The following GIT2 variants were observed in gnomAD, a reference collection of about 807,000 sequenced individuals.
GIT2 encodes the protein ARF GTPase-activating protein GIT2.
A neutral mutation model predicts 100.3 loss-of-function variants in GIT2; 32 were observed. That is an observed-to-expected ratio of 0.32 (90% CI 0.24 to 0.43). The LOEUF (loss-of-function observed/expected upper bound fraction) is 0.43. GIT2 is among the 20% of genes least tolerant of loss of function. The probability of loss-of-function intolerance (pLI) is 1.00; values close to 1 mark genes in which losing one functional copy is unlikely to be tolerated. For synonymous variants in GIT2, 353 were observed against 364.1 expected (o/e 0.97, Z 0.35); for missense variants, 737 against 975.1 (o/e 0.76, Z 3.25).
At chr12:109,972,391 T>C (rs1244043799) in intron 7 of GIT2, among the ~76,000 whole-genome samples, 1 of 152,230 alleles carries the variant, frequency 6.6e-6, no homozygotes, top group Non-Finnish European at 1.5e-5. Context: ...TTGAAGTTTG[T>C]TGAATGCTTC....
At chr12:109,936,589 C>T (rs1873059811) in intron 18 of GIT2, among the ~76,000 whole-genome samples, 1 of 152,126 alleles carries the variant, frequency 6.6e-6, no homozygotes, top group Admixed American at 6.6e-5. Flanking sequence ...AAACTTTGGC[C>T]AAGCACGGTG....
chr12:109,972,010 A>AATAT (rs1555231483), intron 7 of GIT2, among the ~76,000 whole-genome samples: 9 of 141,756 alleles, frequency 6.3e-5, no homozygotes, highest in Middle Eastern at 3.4e-3. Flanking sequence ...GGGAAAAAAA[A>AATAT]ATATATATAT....
chr12:109,958,182 G>T (rs2136352547), intron 12 of GIT2, among the ~76,000 whole-genome samples: 1 of 151,948 alleles, frequency 6.6e-6, no homozygotes, highest in East Asian at 1.9e-4. Flanking sequence ...CTGACCTCGT[G>T]ATCTGCCCAC....
chr12:109,978,298 G>T (rs1228916894), intron 7 of GIT2, among the ~76,000 whole-genome samples: 1 of 151,880 alleles, frequency 6.6e-6, no homozygotes, highest in African/African-American at 2.4e-5. Context: ...GGCCAGGCTG[G>T]TCTCAAACTC....
Position 109,959,977 on chromosome 12 carries a change from T to C in GIT2, c.988-19A>G, listed in dbSNP as rs1252030467. On this transcript the variant is annotated intron_variant, in intron 11 of 19. Coordinates refer to ENST00000355312, the MANE Select transcript of GIT2 (RefSeq NM_057169.5). ...GTCTGCCCTAAAGGTGGGAAAATAA[T>C]TGGAAATATTTCCCAGTGTAAAAAT... 1 of 1,498,222 alleles carries C rather than the reference T, an allele frequency of 6.7e-7. No individual in the cohort carries two copies. The highest frequency in any genetic ancestry group is 1.7e-5 in the Admixed American group (1 of 59,506). The allele number at this position is 1,498,222 out of a possible 1,614,324, so 92.8% of individuals were successfully genotyped here.
intron 4 of GIT2, among the ~76,000 whole-genome samples, chr12:109,984,136 G>T (rs945315814): frequency 6.6e-6 from 1 of 152,160 alleles, no homozygotes; most frequent in African/African-American, 2.4e-5. Flanking sequence ...ATGGCCAGAT[G>T]CAGTGGCTCA....
chr12:109,932,759 C>G lies in GIT2; in HGVS notation c.*219G>C, dbSNP rs1871865175. On this transcript the variant is annotated 3_prime_UTR_variant, in exon 20 of 20. Coordinates refer to ENST00000355312, the MANE Select transcript of GIT2 (RefSeq NM_057169.5). ...AGTTGTTGACAACACAACCGAACATCAGAAACTAAACCAGCAAATAGGCAC... is the reference window on the plus strand; with the variant it reads ...AGTTGTTGACAACACAACCGAACATGAGAAACTAAACCAGCAAATAGGCAC... 9 of 517,092 alleles carry G rather than the reference C, an allele frequency of 1.7e-5. No homozygotes were observed. The South Asian group carries it at 2.1e-4, about 12-fold the overall frequency. The allele number at this position is 517,092 out of a possible 1,614,324, so 32.0% of individuals were successfully genotyped here. A position where few individuals can be genotyped will look rare whatever the true frequency, so the allele number is the denominator to read the frequency against.
At position 109,967,450 on chromosome 12, in the gene GIT2, G is replaced by T; in HGVS notation, c.764+8C>A. The T allele has an allele frequency of 6.3e-7, 1 of 1,580,438 alleles. No homozygotes were observed. The highest frequency in any genetic ancestry group is 1.1e-5 in the South Asian group (1 of 90,340). On this transcript the variant is annotated splice_region_variant and intron_variant, in intron 8 of 19. Transcript: ENST00000355312. ...AGACAAAACTAACTGGTATTTCAAT[G>T]AGCTTACCTGTCTGCCATTTGAGGT... is the stretch of plus-strand genomic sequence containing the variant.
upstream of GIT2, chr12:109,998,672 A>T (rs991246837): frequency 6.6e-6 from 1 of 152,252 alleles, no homozygotes; most frequent in African/African-American, 2.4e-5. Context: ...CTTAAAAATG[A>T]CATTCATACA....
chr12:109,964,301 G>C (rs891849307), intron 9 of GIT2, among the ~76,000 whole-genome samples: 1 of 151,824 alleles, frequency 6.6e-6, no homozygotes, highest in African/African-American at 2.4e-5. Context: ...CAAACAAATT[G>C]CATAAAACAC....
intron 7 of GIT2, among the ~76,000 whole-genome samples, chr12:109,974,986 T>A (rs1335739245): frequency 6.6e-6 from 1 of 152,230 alleles, no homozygotes; most frequent in Admixed American, 6.5e-5. Flanking sequence ...GCCTTCTTGA[T>A]GAATTGACTC....
chr12:109,999,238 T>A (rs934368451), upstream of GIT2: 1 of 152,758 alleles, frequency 6.5e-6, no homozygotes, highest in Non-Finnish European at 1.4e-5. The surrounding 1 kb of genome is among the most constrained non-coding windows in gnomAD (Gnocchi z 4.3). Flanking sequence ...GACGGAACTT[T>A]CCGCGTGGAG....
intron 2 of GIT2, among the ~76,000 whole-genome samples, chr12:109,990,686 T>C (rs1487429901): frequency 6.6e-6 from 1 of 152,200 alleles, no homozygotes; most frequent in East Asian, 1.9e-4. Flanking sequence ...ACACTTAACC[T>C]TGAGTTCCAA....
intron 17 of GIT2, chr12:109,938,913 G>A (rs1182533138): frequency 6.1e-6 from 3 of 492,612 alleles, no homozygotes; most frequent in East Asian, 3.5e-5. Context: ...ATGAAGTGGG[G>A]TAATGACTTT....
Position 109,996,288 on chromosome 12 carries a change from G to A in GIT2, c.-64C>T, listed in dbSNP as rs367735358. The stretch of plus-strand genomic sequence containing the variant: ...GGACAGCAAAGGCGGCGGTGGCGGC[G>A]GCGCTTCCGCTCTAACGGGTCCCAG... On this transcript the variant is annotated 5_prime_UTR_variant, in exon 1 of 20. Transcript: ENST00000355312. 2.5e-6 allele frequency: 3 copies of A among 1,206,290 alleles called. No homozygotes were observed. The highest frequency in any genetic ancestry group is 1.6e-5 in the African/African-American group (1 of 63,718). The allele number at this position is 1,206,290 out of a possible 1,614,324, so 74.7% of individuals were successfully genotyped here.
At chr12:109,998,452 A>C (rs1889751090), upstream of GIT2, 1 of 152,260 alleles carries the variant, frequency 6.6e-6, no homozygotes, top group Non-Finnish European at 1.5e-5. Flanking sequence ...TCATCCAGCT[A>C]TGTGGTCTAG....
At chr12:109,937,705 T>G (rs1873433423) in intron 18 of GIT2, among the ~76,000 whole-genome samples, 1 of 152,080 alleles carries the variant, frequency 6.6e-6, no homozygotes, top group Non-Finnish European at 1.5e-5. Context: ...GATGATGAGA[T>G]CAACTTTATT....
chr12:109,981,029 T>A lies in GIT2; in HGVS notation c.641A>T (p.Glu214Val). Residue 214 changes from glutamate (E) to valine (V), a missense_variant, in exon 7 of 20, where the codon GAG becomes GTG. Physicochemically the swap from Glu to Val is moderately radical, Grantham distance 121 (BLOSUM62 -2). This residue lies in a region of GIT2 where 266 missense variants were observed against 376.2 expected (regional missense o/e 0.71). Transcript: ENST00000355312. ...TATTTCCACGAGGCGCTCTGCCAGCTCATGGTGCCCTCCTTGCCTACCAAG... is the reference window on the plus strand; with the variant it reads ...TATTTCCACGAGGCGCTCTGCCAGCACATGGTGCCCTCCTTGCCTACCAAG... ...VDYARQGGHH[E>V]LAERLVEIQY... 6.2e-7 allele frequency: 1 copy of A among 1,610,356 alleles called. No individual in the cohort carries two copies.
At chr12:109,999,457 G>T (rs375783870), upstream of GIT2, 6 of 238,506 alleles carry the variant, frequency 2.5e-5, no homozygotes, top group East Asian at 1.7e-4. The surrounding 1 kb of genome is among the most constrained non-coding windows in gnomAD (Gnocchi z 4.3). Context: ...CTGTCAGCGC[G>T]GGCGGGAACG....
Sources: allele counts gnomAD v4.1 joint callset (sites outside exome capture counted in the v4.1 genomes callset), GRCh38; gene constraint gnomAD v4.1.1; regional missense constraint gnomAD v4.1.1; non-coding constraint Gnocchi (gnomAD v3.1); transcripts MANE v1.5; gene names NCBI Gene and HGNC (gene_info 2026-07-23, HGNC 2026-07-21).